Variants in SHISA6 observed in about 807,000 individuals in gnomAD.
SHISA6 encodes shisa family member 6, also known as protein shisa-6.
SHISA6 carries 22 observed loss-of-function variants against 47.9 expected under a neutral mutation model. The ratio of observed to expected loss-of-function variants is 0.46; its 90% CI spans 0.33 to 0.66. SHISA6 has a LOEUF of 0.66. SHISA6 is among the 30% of genes least tolerant of loss of function. The pLI is 0.02. For synonymous variants in SHISA6, 388 were observed against 337.8 expected (o/e 1.15, Z -1.63); for missense variants, 680 against 764.6 (o/e 0.89, Z 1.30).
chr17:11,395,769 C>T (rs569222075), intron 3 of SHISA6, among the ~76,000 whole-genome samples: 20 of 152,188 alleles, frequency 1.3e-4, no homozygotes, highest in Non-Finnish European at 1.6e-4. Context: ...CTACCAGCCT[C>T]GGCCTCCCAA....
intron 3 of SHISA6, among the ~76,000 whole-genome samples, chr17:11,476,235 T>C (rs908645599): frequency 1.3e-5 from 2 of 151,976 alleles, no homozygotes; most frequent in Non-Finnish European, 2.9e-5. Context: ...AAAGAACCAG[T>C]TTTCATCTTA....
chr17:11,339,829 C>T (rs948503102), intron 2 of SHISA6, among the ~76,000 whole-genome samples: 2 of 152,060 alleles, frequency 1.3e-5, no homozygotes, highest in Non-Finnish European at 2.9e-5. Context: ...TGTGGACCTG[C>T]GACCCAGACT....
chr17:11,287,709 A>AGGAAGGGAGGGAGGGAGGGAGGGAGGGAG (rs374716203), intron 2 of SHISA6, among the ~76,000 whole-genome samples: 1 of 87,674 alleles, frequency 1.1e-5, no homozygotes, highest in Non-Finnish European at 2.2e-5. Flanking sequence ...GAAGGAAGGA[A>AGGAAGGGAGGGAGGGAGGGAGGGAGGGAG]GGAGGGAGGG....
intron 2 of SHISA6, among the ~76,000 whole-genome samples, chr17:11,312,286 G>T (rs1460539265): frequency 6.6e-6 from 1 of 151,618 alleles, no homozygotes; most frequent in Admixed American, 6.6e-5. Context: ...TTATTATCAT[G>T]TTTTTGTTTA....
At chr17:11,315,807 C>T (rs1910490728) in intron 2 of SHISA6, among the ~76,000 whole-genome samples, 1 of 152,058 alleles carries the variant, frequency 6.6e-6, no homozygotes. Context: ...GATATTTTCC[C>T]ATCAAAATTT....
At chr17:11,378,768 G>A (rs933689565) in intron 2 of SHISA6, among the ~76,000 whole-genome samples, 3 of 152,168 alleles carry the variant, frequency 2.0e-5, no homozygotes, top group Admixed American at 6.5e-5. Flanking sequence ...AGCGAAGCAC[G>A]TATATATTTT....
chr17:11,473,450 A>T (rs1174528106), intron 3 of SHISA6, among the ~76,000 whole-genome samples: 1 of 152,062 alleles, frequency 6.6e-6, no homozygotes, highest in Non-Finnish European at 1.5e-5. Flanking sequence ...AGAGGGGAGA[A>T]ACACTGTTCC....
chr17:11,472,088 C>T (rs1317937735), intron 3 of SHISA6, among the ~76,000 whole-genome samples: 5 of 152,108 alleles, frequency 3.3e-5, no homozygotes, highest in African/African-American at 7.2e-5. Flanking sequence ...TGTGCCGCAC[C>T]TGTTCATCCC....
intron 3 of SHISA6, among the ~76,000 whole-genome samples, chr17:11,491,541 C>T (rs1366362343): frequency 6.6e-6 from 1 of 151,990 alleles, no homozygotes; most frequent in Non-Finnish European, 1.5e-5. Flanking sequence ...TGGCCTCAAG[C>T]CATCCTCCCA....
intron 2 of SHISA6, among the ~76,000 whole-genome samples, chr17:11,283,087 A>G (rs1909176725): frequency 6.6e-6 from 1 of 152,228 alleles, no homozygotes; most frequent in South Asian, 2.1e-4. Flanking sequence ...TTTTCATTTG[A>G]TAAGTGAAGT....
In SHISA6 at chr17:11,397,395, CTG is replaced by C. The variant is rs3034221; in HGVS notation, c.895+17920_895+17921del. 5.3e-3 allele frequency among the ~76,000 whole-genome samples: 739 copies of C among 140,516 alleles called. 5 individuals are homozygous for C. The highest frequency in any genetic ancestry group is 7.7e-3 in the Non-Finnish European group (509 of 65,856). The allele number at this position is 140,516 out of a possible 152,430, so 92.2% of individuals were successfully genotyped here. ...TAAATGTCTACTCTCTTACCTGCCT[CTG>C]TGTGTGTGTGTGTGTGTGTGTGTGT... is the stretch of plus-strand genomic sequence containing the variant. On this transcript the variant is annotated intron_variant, in intron 3 of 5. Coordinates refer to ENST00000441885, the MANE Select transcript of SHISA6 (RefSeq NM_207386.4).
chr17:11,455,421 C>A (rs1459882163), intron 3 of SHISA6, among the ~76,000 whole-genome samples: 1 of 152,114 alleles, frequency 6.6e-6, no homozygotes, highest in Non-Finnish European at 1.5e-5. Context: ...ATGATGGAAG[C>A]AAATTCATGG....
At chr17:11,450,937 T>C (rs1334891647) in intron 3 of SHISA6, among the ~76,000 whole-genome samples, 1 of 151,694 alleles carries the variant, frequency 6.6e-6, no homozygotes, top group African/African-American at 2.4e-5. Flanking sequence ...GAAAACATTA[T>C]TTTTTCATTC....
chr17:11,498,563 AC>A (rs1232198504), intron 3 of SHISA6, among the ~76,000 whole-genome samples: 1 of 152,232 alleles, frequency 6.6e-6, no homozygotes, highest in Non-Finnish European at 1.5e-5. Flanking sequence ...AAGGGGATGG[AC>A]ATCCCAATTG....
chr17:11,318,183 A>C (rs1910588147), intron 2 of SHISA6, among the ~76,000 whole-genome samples: 1 of 152,234 alleles, frequency 6.6e-6, no homozygotes, highest in African/African-American at 2.4e-5. Context: ...TTAGATTCAA[A>C]TTATCTGAAC....
chr17:11,242,412 C>T (rs1024483374), intron 1 of SHISA6, among the ~76,000 whole-genome samples: 2 of 152,124 alleles, frequency 1.3e-5, no homozygotes, highest in Non-Finnish European at 2.9e-5. Flanking sequence ...TTCTTAATGG[C>T]ATTTAGTTTT....
chr17:11,263,563 G>T, intron 2 of SHISA6, 37 bp downstream of exon 2: 1 of 1,550,044 alleles, frequency 6.5e-7, no homozygotes, highest in South Asian at 1.2e-5. Flanking sequence ...CTTTGCTGAG[G>T]CTGGTGAGAG....
At chr17:11,365,864 G>T (rs928771580) in intron 2 of SHISA6, among the ~76,000 whole-genome samples, 3 of 152,194 alleles carry the variant, frequency 2.0e-5, no homozygotes, top group African/African-American at 7.2e-5. Context: ...ATGTTGGGGA[G>T]CCTACAATAG....
intron 1 of SHISA6, among the ~76,000 whole-genome samples, chr17:11,247,499 T>A (rs770845111): frequency 6.6e-6 from 1 of 152,190 alleles, no homozygotes; most frequent in Non-Finnish European, 1.5e-5. Flanking sequence ...TTTGAAATTA[T>A]GGTGAATTTT....
Sources: allele counts gnomAD v4.1 joint callset (sites outside exome capture counted in the v4.1 genomes callset), GRCh38; gene constraint gnomAD v4.1.1; transcripts MANE v1.5; gene names NCBI Gene and HGNC (gene_info 2026-07-23, HGNC 2026-07-21).